The following CTNND2 variants were observed in gnomAD, a reference collection of about 807,000 sequenced individuals.
CTNND2 encodes the protein catenin delta 2.
A neutral mutation model predicts 144.4 loss-of-function variants in CTNND2; 22 were observed. The ratio of observed to expected loss-of-function variants is 0.15; its 90% CI spans 0.11 to 0.22. CTNND2 has a LOEUF of 0.22. CTNND2 is among the 10% of genes least tolerant of loss of function. The pLI is 1.00. For synonymous variants in CTNND2, 751 were observed against 695.6 expected, an observed-to-expected ratio of 1.08 and a Z score of -1.25; for missense variants, 1,353 against 1,618.8, an observed-to-expected ratio of 0.84 and a Z score of 2.82.
At chr5:11,186,591 A>G (rs1460358436) in intron 11 of CTNND2, among the ~76,000 whole-genome samples, 1 of 152,204 alleles carries the variant, frequency 6.6e-6, no homozygotes, top group Admixed American at 6.5e-5. Flanking sequence ...AAACACATCC[A>G]TGTCTCCTAA....
chr5:11,544,418 G>A (rs934566114), intron 3 of CTNND2, among the ~76,000 whole-genome samples: 11 of 152,296 alleles, frequency 7.2e-5, no homozygotes, highest in East Asian at 1.9e-4. Flanking sequence ...ATATGCAAGC[G>A]TATGACTCAA....
intron 11 of CTNND2, among the ~76,000 whole-genome samples, chr5:11,165,244 A>G (rs1012347464): frequency 1.9e-4 from 29 of 152,192 alleles, no homozygotes; most frequent in African/African-American, 7.0e-4. Context: ...AATTTATAGC[A>G]CTGAAACATA....
intron 1 of CTNND2, among the ~76,000 whole-genome samples, chr5:11,868,020 C>T (rs561217797): frequency 2.0e-5 from 3 of 151,796 alleles, no homozygotes; most frequent in South Asian, 2.1e-4. Context: ...CCCCTGATGG[C>T]GAAGCAGGGG....
intron 3 of CTNND2, among the ~76,000 whole-genome samples, chr5:11,429,112 C>T (rs998344555): frequency 2.6e-5 from 4 of 152,100 alleles, no homozygotes; most frequent in East Asian, 3.9e-4. Context: ...ATGGGGGTGG[C>T]GTTCACATAT....
chr5:11,446,989 T>C (rs904012381), intron 3 of CTNND2, among the ~76,000 whole-genome samples: 1 of 150,856 alleles, frequency 6.6e-6, no homozygotes, highest in African/African-American at 2.5e-5. Context: ...CAGTCCTCAA[T>C]GGCTCTAACA....
chr5:11,851,566 C>T (rs1357542999), intron 1 of CTNND2, among the ~76,000 whole-genome samples: 9 of 152,180 alleles, frequency 5.9e-5, no homozygotes, highest in Non-Finnish European at 1.0e-4. Context: ...TAACACAGGG[C>T]CTGTTTGGAA....
chr5:10,989,794 A>G (rs1738457432), intron 19 of CTNND2, among the ~76,000 whole-genome samples: 2 of 152,240 alleles, frequency 1.3e-5, no homozygotes, highest in African/African-American at 4.8e-5. Flanking sequence ...TGGATGTCCA[A>G]ATAAAGTAGA....
At chr5:11,018,652 T>C (rs1235158054) in intron 17 of CTNND2, among the ~76,000 whole-genome samples, 1 of 151,266 alleles carries the variant, frequency 6.6e-6, no homozygotes, top group East Asian at 1.9e-4. Flanking sequence ...TAAAAGATCA[T>C]ATCAACCACA....
intron 10 of CTNND2, among the ~76,000 whole-genome samples, chr5:11,200,919 T>TCCA (rs1737368162): frequency 6.9e-6 from 1 of 145,936 alleles, no homozygotes; most frequent in African/African-American, 2.7e-5. Context: ...GACCTCGTGA[T>TCCA]CCGCCCGCCT....
chr5:11,079,451 C>G (rs953774128), intron 16 of CTNND2, among the ~76,000 whole-genome samples: 3 of 152,222 alleles, frequency 2.0e-5, no homozygotes, highest in South Asian at 2.1e-4. Flanking sequence ...GGGACTGTGT[C>G]ATCCTCTGAG....
chr5:10,994,457 G>T (rs1274559179), intron 18 of CTNND2, among the ~76,000 whole-genome samples: 1 of 110,068 alleles, frequency 9.1e-6, no homozygotes, highest in Non-Finnish European at 1.9e-5. Flanking sequence ...AGCGGGGGCC[G>T]GGAAGGAGGA....
At chr5:11,640,817 G>A (rs1332757528) in intron 2 of CTNND2, among the ~76,000 whole-genome samples, 1 of 151,572 alleles carries the variant, frequency 6.6e-6, no homozygotes, top group African/African-American at 2.4e-5. Context: ...ATGAGAAAGA[G>A]TCATTTTGGT....
At chr5:11,471,944 C>T (rs1767270768) in intron 3 of CTNND2, among the ~76,000 whole-genome samples, 1 of 152,148 alleles carries the variant, frequency 6.6e-6, no homozygotes, top group Non-Finnish European at 1.5e-5. Flanking sequence ...GTTTTTAACA[C>T]AAGCTGGCAA....
chr5:11,255,662 T>C (rs1202477241), intron 9 of CTNND2, among the ~76,000 whole-genome samples: 1 of 152,284 alleles, frequency 6.6e-6, no homozygotes, highest in African/African-American at 2.4e-5. Context: ...ACGGTTATCA[T>C]GGAGGAACAC....
intron 9 of CTNND2, among the ~76,000 whole-genome samples, chr5:11,335,217 T>C (rs1203795649): frequency 6.6e-6 from 1 of 152,244 alleles, no homozygotes; most frequent in African/African-American, 2.4e-5. Context: ...CTGTTTAAAA[T>C]ATATTTTTTA....
chr5:11,068,574 C>T (rs1228385365), intron 16 of CTNND2, among the ~76,000 whole-genome samples: 1 of 152,118 alleles, frequency 6.6e-6, no homozygotes, highest in Non-Finnish European at 1.5e-5. Flanking sequence ...GTTTATAAAA[C>T]CACAATATTA....
chr5:11,452,867 T>A (rs1351691157), intron 3 of CTNND2, among the ~76,000 whole-genome samples: 1 of 152,184 alleles, frequency 6.6e-6, no homozygotes, highest in Non-Finnish European at 1.5e-5. Flanking sequence ...TTGCGATCTA[T>A]CCTAATATAT....
At chr5:11,523,099 C>T (rs1772905632) in intron 3 of CTNND2, among the ~76,000 whole-genome samples, 1 of 152,130 alleles carries the variant, frequency 6.6e-6, no homozygotes, top group African/African-American at 2.4e-5. Flanking sequence ...ATAACTGATA[C>T]TAATTTCACA....
At chr5:11,682,775 C>G (rs1028029684) in intron 2 of CTNND2, among the ~76,000 whole-genome samples, 7 of 152,144 alleles carry the variant, frequency 4.6e-5, no homozygotes, top group Non-Finnish European at 8.8e-5. Flanking sequence ...GATGGAAACA[C>G]AATGCATAAC....
Sources: allele counts gnomAD v4.1 joint callset (sites outside exome capture counted in the v4.1 genomes callset), GRCh38; gene constraint gnomAD v4.1.1; transcripts MANE v1.5; gene names NCBI Gene and HGNC (gene_info 2026-07-23, HGNC 2026-07-21).